Variants in SNX24 observed in about 807,000 individuals in gnomAD.
SNX24 encodes the protein sorting nexin-24.
SNX24 carries 22 observed loss-of-function variants against 28.7 expected under a neutral mutation model. The observed-to-expected ratio is 0.77, with a 90% CI of 0.55 to 1.10. SNX24 has a LOEUF of 1.10. Ranked by LOEUF, SNX24 falls within the 50% of genes least tolerant of loss-of-function variation. The probability of loss-of-function intolerance (pLI) is 0.00; values close to 1 mark genes in which losing one functional copy is unlikely to be tolerated. For missense variants in SNX24, 221 were observed against 201.1 expected, an observed-to-expected ratio of 1.10 and a Z score of -0.60; for synonymous variants, 69 against 71.5, an observed-to-expected ratio of 0.96 and a Z score of 0.18.
intron 1 of SNX24, among the ~76,000 whole-genome samples, chr5:122,864,547 AG>A (rs1755634063): frequency 6.6e-6 from 1 of 152,238 alleles, no homozygotes; most frequent in Non-Finnish European, 1.5e-5. Flanking sequence ...ATGAGTTTTA[AG>A]GACAATTTAG....
At chr5:123,002,089 G>C (rs765644404) in intron 6 of SNX24, 85 bp downstream of exon 6, 2 of 1,029,408 alleles carry the variant, frequency 1.9e-6, no homozygotes, top group East Asian at 2.4e-5. Flanking sequence ...AGGTCTAACA[G>C]AGTGACATTG....
At chr5:122,911,082 C>A (rs1290339965) in intron 1 of SNX24, among the ~76,000 whole-genome samples, 1 of 152,160 alleles carries the variant, frequency 6.6e-6, no homozygotes, top group Non-Finnish European at 1.5e-5. Flanking sequence ...TACAGTCCCA[C>A]CAACAGTGTA....
intron 1 of SNX24, among the ~76,000 whole-genome samples, chr5:122,925,168 C>T (rs1430790436): frequency 1.0e-5 from 1 of 96,508 alleles, no homozygotes; most frequent in African/African-American, 4.1e-5. Flanking sequence ...CCCCTCCCAT[C>T]CCCCTCCCAT....
intron 1 of SNX24, among the ~76,000 whole-genome samples, chr5:122,896,586 T>C (rs984614163): frequency 6.6e-6 from 1 of 152,226 alleles, no homozygotes; most frequent in African/African-American, 2.4e-5. Context: ...AGTTGATTGA[T>C]GGATGCTCTA....
At chr5:122,939,154 G>A (rs889302155) in intron 2 of SNX24, among the ~76,000 whole-genome samples, 3 of 152,054 alleles carry the variant, frequency 2.0e-5, no homozygotes, top group South Asian at 2.1e-4. Context: ...TGGTACCCTC[G>A]ATTTCCATAT....
intron 3 of SNX24, among the ~76,000 whole-genome samples, chr5:122,969,166 A>G (rs1282641329): frequency 6.6e-6 from 1 of 152,114 alleles, no homozygotes; most frequent in Admixed American, 6.5e-5. Context: ...TAACTTGTTT[A>G]TAATTTATTA....
rs946099293 is a variant in SNX24, at chr5:123,009,003, G to C, written c.*1254G>C. 4 of 985,712 alleles carry C rather than the reference G, an allele frequency of 4.1e-6. No individual in the cohort carries two copies. The highest frequency in any genetic ancestry group is 4.8e-6 in the Non-Finnish European group (4 of 829,840). 61.1% of individuals were successfully genotyped at this position (985,712 alleles called of 1,614,324 possible). A position where few individuals can be genotyped will look rare whatever the true frequency, so the allele number is the denominator to read the frequency against. On this transcript the variant is annotated 3_prime_UTR_variant, in exon 7 of 7. Transcript: ENST00000261369. Reference sequence around the variant, plus strand: ...AACTAATAACTACATCATGGTTTTTGATTAGGATCTAAATATTCAGGTTTT... The same window carrying C: ...AACTAATAACTACATCATGGTTTTTCATTAGGATCTAAATATTCAGGTTTT...
intron 1 of SNX24, among the ~76,000 whole-genome samples, chr5:122,921,386 C>T (rs545604179): frequency 5.4e-4 from 82 of 152,264 alleles, no homozygotes; most frequent in Admixed American, 9.2e-4. Flanking sequence ...AGGCACTAAT[C>T]GTGGTTGGAG....
downstream of SNX24, among the ~76,000 whole-genome samples, chr5:123,012,344 A>G (rs1412173754): frequency 2.0e-5 from 3 of 152,246 alleles, no homozygotes; most frequent in African/African-American, 7.2e-5. Context: ...TAAAAAGGAA[A>G]TTCTGACACA....
chr5:122,889,737 A>ATG (rs1457392509), intron 1 of SNX24, among the ~76,000 whole-genome samples: 1 of 146,242 alleles, frequency 6.8e-6, no homozygotes, highest in Non-Finnish European at 1.5e-5. Flanking sequence ...GTATATATAT[A>ATG]TATGTGTATA....
chr5:122,853,277 C>T (rs1244847819), intron 1 of SNX24, among the ~76,000 whole-genome samples: 6 of 151,954 alleles, frequency 3.9e-5, no homozygotes, highest in Admixed American at 3.9e-4. Flanking sequence ...CAGGCACCCG[C>T]CACCAAGGCC....
chr5:122,993,705 C>T (rs1391081490), intron 3 of SNX24, among the ~76,000 whole-genome samples: 1 of 152,164 alleles, frequency 6.6e-6, no homozygotes, highest in Non-Finnish European at 1.5e-5. Flanking sequence ...CTGAGGACTA[C>T]AAAGCCTCTG....
chr5:123,011,167 G>C (rs1762569985), downstream of SNX24, among the ~76,000 whole-genome samples: 1 of 151,870 alleles, frequency 6.6e-6, no homozygotes, highest in Non-Finnish European at 1.5e-5. Context: ...ACAGGCAATA[G>C]AGAAGTAAAG....
Position 123,001,935 on chromosome 5 carries a change from T to C in SNX24, c.378-5T>C, listed in dbSNP as rs1359490928. The C allele has an allele frequency of 3.7e-6, 6 of 1,614,018 alleles. No homozygotes were observed. Among genetic ancestry groups the C allele is most frequent in the Non-Finnish European group, 3.4e-6 (4 of 1,179,848 alleles). ...TGCTGACATGCCTGTTCTTGACCTT[T>C]CCAGCAAACTGTCCCACCAGCCTGT... On this transcript the variant is annotated splice_polypyrimidine_tract_variant and splice_region_variant and intron_variant, in intron 5 of 6. Coordinates refer to ENST00000261369, the MANE Select transcript of SNX24 (RefSeq NM_014035.4).
At chr5:122,940,262 A>G (rs1427166325) in intron 2 of SNX24, among the ~76,000 whole-genome samples, 1 of 151,952 alleles carries the variant, frequency 6.6e-6, no homozygotes, top group Non-Finnish European at 1.5e-5. Flanking sequence ...CCAAAGTGCT[A>G]GAGTTACAGG....
chr5:123,008,863 A>G lies in SNX24; in HGVS notation c.*1114A>G. The G allele has an allele frequency of 1.0e-6, 1 of 981,496 alleles. No homozygotes were observed. Among genetic ancestry groups the G allele is most frequent in the Non-Finnish European group, 1.2e-6 (1 of 825,954 alleles). 60.8% of individuals were successfully genotyped at this position (981,496 alleles called of 1,614,324 possible). On this transcript the variant is annotated 3_prime_UTR_variant, in exon 7 of 7. Transcript: ENST00000261369. ...AGTAGTAAAGGATAAAAGCATATAT[A>G]CTACCTATATGTATGTGCTGTATGT...
intron 3 of SNX24, among the ~76,000 whole-genome samples, chr5:122,953,623 A>C (rs370545770): frequency 7.9e-5 from 12 of 152,258 alleles, no homozygotes; most frequent in African/African-American, 2.4e-4. Context: ...TCCATTCTTC[A>C]GTAGAAACAT....
intron 1 of SNX24, among the ~76,000 whole-genome samples, chr5:122,925,028 C>T (rs1317357711): frequency 2.2e-5 from 3 of 135,336 alleles, no homozygotes; most frequent in Non-Finnish European, 4.7e-5. Flanking sequence ...CCTTCTCCTT[C>T]TCTCCCCACA....
intron 3 of SNX24, among the ~76,000 whole-genome samples, chr5:122,981,844 T>A (rs1761408271): frequency 6.6e-6 from 1 of 152,170 alleles, no homozygotes; most frequent in South Asian, 2.1e-4. Context: ...CCTTTTCTTA[T>A]CCATTAGTCT....
Sources: gnomAD v4.1 joint callset for allele counts (sites outside exome capture counted in the v4.1 genomes callset) on GRCh38, gnomAD v4.1.1 for gene constraint, MANE v1.5 for transcripts, NCBI Gene and HGNC (gene_info 2026-07-23, HGNC 2026-07-21) for gene names.